The following SLC38A12 variants were observed in gnomAD, a reference collection of about 807,000 sequenced individuals.
SLC38A12 encodes the protein putative sodium-coupled neutral amino acid transporter 12.
chr17:74,789,565 G>T, the SLC38A12 span, among the ~76,000 whole-genome samples: 7 of 149,130 alleles, frequency 4.7e-5, no homozygotes, highest in African/African-American at 1.7e-4. Context: ...AAAAAAAGAG[G>T]CCGGGCACAG....
At chr17:74,823,486 G>A in the SLC38A12 span, among the ~76,000 whole-genome samples, 3 of 152,246 alleles carry the variant, frequency 2.0e-5, no homozygotes, top group South Asian at 2.1e-4. Flanking sequence ...GCACTGAAAG[G>A]GTTAAATGGC....
chr17:74,783,607 T>TC, the SLC38A12 span, among the ~76,000 whole-genome samples: 8 of 152,050 alleles, frequency 5.3e-5, no homozygotes, highest in African/African-American at 1.9e-4. Flanking sequence ...CTCTCAAATA[T>TC]CCAGTTAGCA....
At chr17:74,834,139 C>T in the SLC38A12 span, among the ~76,000 whole-genome samples, 1 of 152,180 alleles carries the variant, frequency 6.6e-6, no homozygotes, top group South Asian at 2.1e-4. Flanking sequence ...CCGCAGAAAT[C>T]TCTGGGGCAA....
chr17:74,831,118 C>T, the SLC38A12 span, among the ~76,000 whole-genome samples: 1 of 152,226 alleles, frequency 6.6e-6, no homozygotes, highest in East Asian at 1.9e-4. Flanking sequence ...ACCTGCTTCC[C>T]CTCTGGGACC....
chr17:74,784,654 A>G, the SLC38A12 span, among the ~76,000 whole-genome samples: 1 of 152,170 alleles, frequency 6.6e-6, no homozygotes, highest in African/African-American at 2.4e-5. Flanking sequence ...GGAGAGCATC[A>G]CAGAAGGGGA....
At chr17:74,789,178 T>C in the SLC38A12 span, among the ~76,000 whole-genome samples, 1 of 152,086 alleles carries the variant, frequency 6.6e-6, no homozygotes, top group South Asian at 2.1e-4. Flanking sequence ...CTGCCACCTC[T>C]AATGGGGCAG....
chr17:74,799,561 C>T, the SLC38A12 span, among the ~76,000 whole-genome samples: 5 of 152,184 alleles, frequency 3.3e-5, no homozygotes, highest in Non-Finnish European at 7.4e-5. Flanking sequence ...AAGCTCCCTC[C>T]GGACACCCCC....
the SLC38A12 span, among the ~76,000 whole-genome samples, chr17:74,779,112 G>C: frequency 6.6e-6 from 1 of 152,174 alleles, no homozygotes; most frequent in Non-Finnish European, 1.5e-5. Context: ...CACGGCTCCT[G>C]CTTTTTCTTA....
chr17:74,785,180 A>C, the SLC38A12 span, among the ~76,000 whole-genome samples: 1 of 152,206 alleles, frequency 6.6e-6, no homozygotes, highest in African/African-American at 2.4e-5. Flanking sequence ...GGTTGAGTAG[A>C]GCGCTAGCAT....
At chr17:74,789,873 C>T in the SLC38A12 span, among the ~76,000 whole-genome samples, 1 of 146,408 alleles carries the variant, frequency 6.8e-6, no homozygotes, top group East Asian at 2.0e-4. Flanking sequence ...AAAAAGGAAG[C>T]AGGTTTGCCA....
chr17:74,832,053 G>A, the SLC38A12 span, among the ~76,000 whole-genome samples: 2 of 148,858 alleles, frequency 1.3e-5, no homozygotes, highest in Non-Finnish European at 3.0e-5. Flanking sequence ...CCGCAGCCAG[G>A]GGAGGCAGGG....
the SLC38A12 span, among the ~76,000 whole-genome samples, chr17:74,778,119 C>T: frequency 6.6e-6 from 1 of 152,204 alleles, no homozygotes; most frequent in South Asian, 2.1e-4. Context: ...ACAGAGACTT[C>T]TAATTACAGT....
chr17:74,832,881 C>T, the SLC38A12 span, among the ~76,000 whole-genome samples: 2 of 152,208 alleles, frequency 1.3e-5, no homozygotes, highest in African/African-American at 4.8e-5. Context: ...TTGGTTTTTG[C>T]AAATAGACTT....
chr17:74,783,747 T>G, the SLC38A12 span, among the ~76,000 whole-genome samples: 1 of 96,146 alleles, frequency 1.0e-5, no homozygotes, highest in Non-Finnish European at 2.2e-5. Flanking sequence ...TTTTTTTTTT[T>G]TGAGACGGAG....
chr17:74,795,252 C>A, the SLC38A12 span: 2 of 734,544 alleles, frequency 2.7e-6, no homozygotes, highest in Non-Finnish European at 4.7e-6. Flanking sequence ...CCCTTTTCTG[C>A]ACAGACCACA....
the SLC38A12 span, among the ~76,000 whole-genome samples, chr17:74,820,473 C>CT: frequency 6.6e-6 from 1 of 152,206 alleles, no homozygotes; most frequent in Non-Finnish European, 1.5e-5. Context: ...GGTCTACTTC[C>CT]GCCACACCAT....
the SLC38A12 span, among the ~76,000 whole-genome samples, chr17:74,810,259 G>A: frequency 6.6e-6 from 1 of 152,198 alleles, no homozygotes; most frequent in Non-Finnish European, 1.5e-5. Flanking sequence ...ATGCACAGGG[G>A]GCACCCACTT....
chr17:74,803,767 A>G, the SLC38A12 span, among the ~76,000 whole-genome samples: 3 of 152,202 alleles, frequency 2.0e-5, no homozygotes, highest in Non-Finnish European at 4.4e-5. Flanking sequence ...TCAACAGCCC[A>G]GTCCATCCCA....
At chr17:74,837,456 C>G in the SLC38A12 span, 1 of 985,572 alleles carries the variant, frequency 1.0e-6, no homozygotes, top group South Asian at 4.7e-5. Flanking sequence ...CTCGCTGCCC[C>G]ACTGGAGCCC....
Sources: gnomAD v4.1 joint callset for allele counts (sites outside exome capture counted in the v4.1 genomes callset) on GRCh38, gnomAD v4.1.1 for gene constraint, MANE v1.5 for transcripts, NCBI Gene and HGNC (gene_info 2026-07-23, HGNC 2026-07-21) for gene names.